Variants in GNAQ observed in about 807,000 individuals in gnomAD.
GNAQ encodes the protein guanine nucleotide-binding protein G(q) subunit alpha.
In GNAQ, 8 loss-of-function variants were observed where a neutral mutation model predicts 43.9. The observed-to-expected ratio is 0.18, with a 90% confidence interval of 0.11 to 0.33. The LOEUF (loss-of-function observed/expected upper bound fraction) is 0.33, where lower values mean the gene tolerates loss of function less well. Ranked by LOEUF, GNAQ falls within the 10% of genes least tolerant of loss-of-function variation. GNAQ has a pLI of 1.00. For synonymous variants in GNAQ, 155 were observed against 170.7 expected (o/e 0.91, Z 0.71); for missense variants, 158 against 450.8 (o/e 0.35, Z 5.88).
chr9:77,801,344 A>C (rs977478011), intron 3 of GNAQ, among the ~76,000 whole-genome samples: 11 of 152,214 alleles, frequency 7.2e-5, no homozygotes, highest in African/African-American at 2.7e-4. Flanking sequence ...ACTTGCAAGA[A>C]TACTTTTTCC....
chr9:77,892,047 T>C (rs1828414066), intron 2 of GNAQ, among the ~76,000 whole-genome samples: 1 of 152,182 alleles, frequency 6.6e-6, no homozygotes, highest in African/African-American at 2.4e-5. Context: ...TTTTTGTTTG[T>C]TTGTTTGCTA....
At chr9:78,030,372 T>C (rs1270117241) in intron 1 of GNAQ, 1 of 375,050 alleles carries the variant, frequency 2.7e-6, no homozygotes, top group Non-Finnish European at 5.7e-6. Context: ...CACCATCCAC[T>C]GGCCAACTCT....
intron 5 of GNAQ, among the ~76,000 whole-genome samples, chr9:77,756,045 A>G (rs1587900090): frequency 1.3e-5 from 2 of 152,094 alleles, no homozygotes; most frequent in Non-Finnish European, 2.9e-5. Flanking sequence ...AAGAACATGG[A>G]AAGACTAGAC....
At chr9:77,935,199 C>T (rs2118321954) in intron 1 of GNAQ, among the ~76,000 whole-genome samples, 2 of 152,226 alleles carry the variant, frequency 1.3e-5, no homozygotes, top group South Asian at 4.1e-4. Flanking sequence ...GATTAGAACA[C>T]ACATGTACAA....
chr9:77,925,277 ATCCTCTCTTTCTCC>A (rs1420576796), intron 1 of GNAQ, among the ~76,000 whole-genome samples: 3 of 152,298 alleles, frequency 2.0e-5, no homozygotes, highest in African/African-American at 7.2e-5. Context: ...AATGGAGGGC[ATCCTCTCTTTCTCC>A]TCTGTCCTGT....
intron 1 of GNAQ, among the ~76,000 whole-genome samples, chr9:78,011,867 C>G (rs1216733309): frequency 6.6e-6 from 1 of 152,050 alleles, no homozygotes; most frequent in Non-Finnish European, 1.5e-5. Flanking sequence ...AGAAGAAAAA[C>G]AATTCCTGTG....
At chr9:77,722,687 T>TGC (rs1825336109) in intron 6 of GNAQ, among the ~76,000 whole-genome samples, 2 of 148,922 alleles carry the variant, frequency 1.3e-5, no homozygotes, top group Admixed American at 1.4e-4. Context: ...GACAGGGTCT[T>TGC]GCTCTGCTAC....
intron 2 of GNAQ, among the ~76,000 whole-genome samples, chr9:77,862,118 G>A (rs1004826611): frequency 6.6e-6 from 1 of 151,798 alleles, no homozygotes. Flanking sequence ...TGCTTTCACA[G>A]GCATGCGTTG....
intron 4 of GNAQ, among the ~76,000 whole-genome samples, chr9:77,794,828 G>A (rs758307426): frequency 8.6e-5 from 13 of 152,030 alleles, no homozygotes; most frequent in Non-Finnish European, 1.8e-4. Context: ...CAGTGTGTAC[G>A]AAAACTGTAA....
chr9:77,818,823 G>C (rs555506034), intron 2 of GNAQ, among the ~76,000 whole-genome samples: 1 of 151,678 alleles, frequency 6.6e-6, no homozygotes, highest in East Asian at 2.0e-4. Flanking sequence ...AACATGGCAA[G>C]ACCCCATCTC....
intron 2 of GNAQ, among the ~76,000 whole-genome samples, chr9:77,919,247 G>A (rs1828960781): frequency 6.6e-6 from 1 of 152,216 alleles, no homozygotes; most frequent in South Asian, 2.1e-4. Flanking sequence ...TCAAAAAGAT[G>A]TATTTTTTGA....
At chr9:77,982,569 T>C (rs1455679308) in intron 1 of GNAQ, among the ~76,000 whole-genome samples, 1 of 152,064 alleles carries the variant, frequency 6.6e-6, no homozygotes, top group Non-Finnish European at 1.5e-5. Context: ...ATTAGCCTAT[T>C]CTGAGAAGTA....
intron 1 of GNAQ, among the ~76,000 whole-genome samples, chr9:77,970,153 A>T (rs1051786837): frequency 1.3e-5 from 2 of 151,774 alleles, no homozygotes; most frequent in South Asian, 2.1e-4. Context: ...CGGGAGATGG[A>T]GGTTGCAGTG....
Position 77,780,488 on chromosome 9 carries a change from A to T in GNAQ, c.735+13975T>A, listed in dbSNP as rs552521565. Among the ~76,000 whole-genome samples the T allele has an allele frequency of 7.9e-4, 119 of 150,762 alleles. 2 individuals carry two copies. Among genetic ancestry groups the T allele is most frequent in the African/African-American group, 2.8e-3 (116 of 41,000 alleles). On this transcript the variant is annotated intron_variant, in intron 5 of 6. Transcript: ENST00000286548. ...GGACGGTACTCCACTGTGTACATAC[A>T]TACTACATTTTCTTTATCTATTCAT...
At chr9:77,776,863 C>CTT (rs746503945) in intron 5 of GNAQ, among the ~76,000 whole-genome samples, 6 of 134,772 alleles carry the variant, frequency 4.5e-5, no homozygotes, top group African/African-American at 1.1e-4. Context: ...TCCCAGGTGC[C>CTT]TTTTTTTTTT....
intron 2 of GNAQ, among the ~76,000 whole-genome samples, chr9:77,920,754 G>A (rs1828984733): frequency 6.6e-6 from 1 of 152,146 alleles, no homozygotes; most frequent in South Asian, 2.1e-4. Flanking sequence ...TTTGTTATTT[G>A]TGGAAAGATT....
At chr9:77,766,680 T>A (rs1007052940) in intron 5 of GNAQ, among the ~76,000 whole-genome samples, 6 of 152,114 alleles carry the variant, frequency 3.9e-5, no homozygotes, top group Non-Finnish European at 5.9e-5. Flanking sequence ...ACAATAGTGT[T>A]CAGATGCCTG....
chr9:77,782,013 A>C (rs1349192707), intron 5 of GNAQ, among the ~76,000 whole-genome samples: 1 of 152,136 alleles, frequency 6.6e-6, no homozygotes, highest in East Asian at 1.9e-4. Flanking sequence ...AAGTCCTAGC[A>C]AATGTAATAA....
At chr9:77,779,129 C>T (rs1826348992) in intron 5 of GNAQ, among the ~76,000 whole-genome samples, 1 of 151,856 alleles carries the variant, frequency 6.6e-6, no homozygotes, top group South Asian at 2.1e-4. Flanking sequence ...TCTTCTCAAG[C>T]TCACACATAA....
Sources: allele counts gnomAD v4.1 joint callset (sites outside exome capture counted in the v4.1 genomes callset), GRCh38; gene constraint gnomAD v4.1.1; transcripts MANE v1.5; gene names NCBI Gene and HGNC (gene_info 2026-07-23, HGNC 2026-07-21).